SLC25A21: variants seen among roughly 807,000 people sequenced by gnomAD.
The protein encoded by SLC25A21 is solute carrier family 25 member 21, also known as mitochondrial 2-oxodicarboxylate carrier.
SLC25A21 carries 47 observed loss-of-function variants against 43.8 expected under a neutral mutation model. That is an observed-to-expected ratio of 1.07 (90% CI 0.85 to 1.37). The LOEUF (loss-of-function observed/expected upper bound fraction) is 1.37. SLC25A21 is among the 40% of genes most tolerant of loss of function. The pLI is 0.00. For missense variants in SLC25A21, 352 were observed against 350.2 expected, an observed-to-expected ratio of 1.00 and a Z score of -0.04; for synonymous variants, 131 against 121.3, an observed-to-expected ratio of 1.08 and a Z score of -0.52.
At chr14:36,735,535 C>T (rs918172496) in intron 3 of SLC25A21, among the ~76,000 whole-genome samples, 1 of 151,640 alleles carries the variant, frequency 6.6e-6, no homozygotes, top group Non-Finnish European at 1.5e-5. Flanking sequence ...ATTCACCCCC[C>T]AAGCTTCACT....
At chr14:37,006,578 A>AT (rs1960609058) in intron 1 of SLC25A21, among the ~76,000 whole-genome samples, 1 of 152,204 alleles carries the variant, frequency 6.6e-6, no homozygotes, top group South Asian at 2.1e-4. Context: ...GGGAAAAAAA[A>AT]GGAGGGGCCT....
intron 1 of SLC25A21, among the ~76,000 whole-genome samples, chr14:37,086,115 T>A (rs1190078405): frequency 6.6e-6 from 1 of 152,016 alleles, no homozygotes; most frequent in Non-Finnish European, 1.5e-5. Flanking sequence ...AAAAAAAAAA[T>A]GAAAACTTGA....
intron 1 of SLC25A21, among the ~76,000 whole-genome samples, chr14:37,019,216 G>T (rs562011824): frequency 2.0e-5 from 3 of 151,922 alleles, no homozygotes; most frequent in East Asian, 3.9e-4. Flanking sequence ...CTATACTTCA[G>T]CCATGTGGCC....
intron 1 of SLC25A21, among the ~76,000 whole-genome samples, chr14:37,137,485 T>C: frequency 6.6e-6 from 1 of 152,228 alleles, no homozygotes; most frequent in East Asian, 1.9e-4. Context: ...GAAGCATAGA[T>C]ACCAGCTGAT....
At chr14:37,014,523 CT>C (rs1566815546) in intron 1 of SLC25A21, among the ~76,000 whole-genome samples, 1 of 152,092 alleles carries the variant, frequency 6.6e-6, no homozygotes, top group Non-Finnish European at 1.5e-5. Context: ...CTTGCTATTT[CT>C]ACCAAATCTG....
At chr14:36,989,417 G>C (rs759903810) in intron 1 of SLC25A21, among the ~76,000 whole-genome samples, 11 of 152,124 alleles carry the variant, frequency 7.2e-5, no homozygotes, top group Non-Finnish European at 1.3e-4. Flanking sequence ...TATTGGGAGG[G>C]GGGTGGCAGA....
chr14:37,013,558 A>G (rs1960779402), intron 1 of SLC25A21, among the ~76,000 whole-genome samples: 1 of 152,214 alleles, frequency 6.6e-6, no homozygotes, highest in Non-Finnish European at 1.5e-5. Flanking sequence ...CAAATAGACA[A>G]CAAAACACTG....
At chr14:37,164,056 T>A (rs1201449384) in intron 1 of SLC25A21, among the ~76,000 whole-genome samples, 1 of 152,156 alleles carries the variant, frequency 6.6e-6, no homozygotes, top group Non-Finnish European at 1.5e-5. Flanking sequence ...TAACCACATG[T>A]TTTTAAAATA....
At chr14:36,968,977 A>G (rs181859684) in intron 1 of SLC25A21, among the ~76,000 whole-genome samples, 48 of 152,358 alleles carry the variant, frequency 3.2e-4, no homozygotes, top group Non-Finnish European at 2.1e-4. Context: ...TAATAAGTCT[A>G]CTAAGGCCAA....
At position 36,678,884 on chromosome 14, in the gene SLC25A21, T is replaced by A. The variant is rs1882044287; in HGVS notation, c.*1774A>T. On this transcript the variant is annotated 3_prime_UTR_variant, in exon 10 of 10. Coordinates refer to ENST00000331299, the MANE Select transcript of SLC25A21 (RefSeq NM_030631.4). The stretch of plus-strand genomic sequence containing the variant: ...GATACAATTTGCTATTCAAAGAAAA[T>A]TATGATTTAAAGCCACTTTTTAAAA... 1 of 974,818 alleles carries A rather than the reference T, an allele frequency of 1.0e-6. No homozygotes were observed. Among genetic ancestry groups the A allele is most frequent in the Non-Finnish European group, 1.2e-6 (1 of 819,222 alleles). 60.4% of individuals were successfully genotyped at this position (974,818 alleles called of 1,614,324 possible).
intron 1 of SLC25A21, among the ~76,000 whole-genome samples, chr14:36,987,355 C>A (rs932087641): frequency 2.0e-5 from 3 of 152,016 alleles, no homozygotes; most frequent in African/African-American, 7.2e-5. Flanking sequence ...CAATTTTTTT[C>A]ATAAGTACAT....
intron 3 of SLC25A21, among the ~76,000 whole-genome samples, chr14:36,779,765 A>G (rs1018512785): frequency 2.0e-5 from 3 of 151,274 alleles, no homozygotes; most frequent in African/African-American, 7.3e-5. Flanking sequence ...ACATGGAAGT[A>G]CAGATATCTC....
chr14:36,769,497 T>C (rs969800570), intron 3 of SLC25A21, among the ~76,000 whole-genome samples: 1 of 152,164 alleles, frequency 6.6e-6, no homozygotes, highest in Non-Finnish European at 1.5e-5. Context: ...ATACTAGTGA[T>C]TACAAAACAA....
chr14:36,976,953 C>G (rs1959888018), intron 1 of SLC25A21, among the ~76,000 whole-genome samples: 1 of 152,220 alleles, frequency 6.6e-6, no homozygotes, highest in Admixed American at 6.5e-5. Flanking sequence ...AACTAATTTT[C>G]TCAGCCCGAA....
chr14:36,706,922 T>C (rs1016836081), intron 7 of SLC25A21, among the ~76,000 whole-genome samples: 13 of 151,882 alleles, frequency 8.6e-5, no homozygotes, highest in African/African-American at 3.1e-4. Flanking sequence ...GTTCCTCTGC[T>C]TAAAATCATT....
intron 1 of SLC25A21, among the ~76,000 whole-genome samples, chr14:36,885,577 T>C (rs1352620871): frequency 6.6e-6 from 1 of 152,212 alleles, no homozygotes; most frequent in Non-Finnish European, 1.5e-5. Context: ...CAATATTAAT[T>C]CTTCCAACCT....
intron 1 of SLC25A21, among the ~76,000 whole-genome samples, chr14:37,108,704 AGT>A (rs56801840): frequency 0.018 from 2,717 of 149,312 alleles, 78 homozygotes; most frequent in African/African-American, 0.06. Context: ...AGTTTTGTTA[AGT>A]GTGTGTGTGT....
intron 2 of SLC25A21, among the ~76,000 whole-genome samples, chr14:36,830,333 T>C (rs778433126): frequency 2.0e-5 from 3 of 152,226 alleles, no homozygotes; most frequent in Non-Finnish European, 4.4e-5. Flanking sequence ...ACACATCCCA[T>C]CACTGTTATT....
chr14:36,699,634 C>T (rs1300025082), intron 7 of SLC25A21, among the ~76,000 whole-genome samples: 1 of 152,166 alleles, frequency 6.6e-6, no homozygotes, highest in African/African-American at 2.4e-5. Flanking sequence ...GCTTTGTTTA[C>T]CTACTCAAGC....
Sources: allele counts gnomAD v4.1 joint callset (sites outside exome capture counted in the v4.1 genomes callset), GRCh38; gene constraint gnomAD v4.1.1; transcripts MANE v1.5; gene names NCBI Gene and HGNC (gene_info 2026-07-23, HGNC 2026-07-21).